PLD5: variants seen among roughly 807,000 people sequenced by gnomAD.
PLD5 encodes inactive phospholipase D5.
Under a neutral mutation model 61.1 loss-of-function variants are expected in PLD5, and 36 were observed. The ratio of observed to expected loss-of-function variants is 0.59; its 90% CI spans 0.45 to 0.78. The LOEUF (loss-of-function observed/expected upper bound fraction) is 0.78, where lower values mean the gene tolerates loss of function less well. PLD5 is among the 30% of genes least tolerant of loss of function. PLD5 has a pLI of 0.00. For missense variants in PLD5, 515 were observed against 644.4 expected, an observed-to-expected ratio of 0.80 and a Z score of 2.17; for synonymous variants, 243 against 242.8, an observed-to-expected ratio of 1.00 and a Z score of -0.01.
chr1:242,329,530 C>T (rs1212934332), intron 2 of PLD5, among the ~76,000 whole-genome samples: 6 of 152,244 alleles, frequency 3.9e-5, no homozygotes, highest in South Asian at 2.1e-4. Flanking sequence ...CGGGACACTA[C>T]CATATTCAAA....
At chr1:242,368,381 G>A (rs183535277) in intron 1 of PLD5, among the ~76,000 whole-genome samples, 42 of 152,248 alleles carry the variant, frequency 2.8e-4, no homozygotes. Flanking sequence ...CATAGCCATG[G>A]AGATCAAAGA....
At chr1:242,288,238 T>C (rs577135583) in intron 3 of PLD5, 124 bp downstream of exon 3, 6 of 1,352,376 alleles carry the variant, frequency 4.4e-6, no homozygotes, top group East Asian at 4.8e-5. Context: ...ATAATGTACA[T>C]GTACTCTGGG....
At chr1:242,374,391 A>G (rs2149249414) in intron 1 of PLD5, among the ~76,000 whole-genome samples, 1 of 152,256 alleles carries the variant, frequency 6.6e-6, no homozygotes, top group Non-Finnish European at 1.5e-5. Flanking sequence ...TTCATCACCA[A>G]GGTTTTCTTG....
At position 242,372,799 on chromosome 1, in the gene PLD5, G is replaced by A. The variant is rs1423770083; in HGVS notation, c.190-24557C>T. Among the ~76,000 whole-genome samples, 3 of 151,440 alleles carry A rather than the reference G, an allele frequency of 2.0e-5. No homozygotes were observed. In the East Asian group the frequency reaches 5.8e-4, roughly 29 times the overall value. On this transcript the variant is annotated intron_variant, in intron 1 of 9. Coordinates refer to ENST00000536534, the MANE Select transcript of PLD5 (RefSeq NM_001372062.1). ...CCTTATACAAAAATTAATTCAAGAT[G>A]GATTAAAGACTTAAATGTCAGACCT...
chr1:242,521,938 C>T (rs112717528), intron 1 of PLD5, among the ~76,000 whole-genome samples: 1,542 of 151,570 alleles, frequency 0.01, 24 homozygotes, highest in African/African-American at 0.035. Context: ...TTCAACATGA[C>T]GTATATTATA....
intron 1 of PLD5, among the ~76,000 whole-genome samples, chr1:242,484,140 AT>A (rs1248501099): frequency 6.6e-6 from 1 of 152,178 alleles, no homozygotes; most frequent in African/African-American, 2.4e-5. Flanking sequence ...TAACATCACA[AT>A]TAAAAGAACT....
intron 1 of PLD5, chr1:242,365,692 G>A: frequency 5.0e-6 from 1 of 201,692 alleles, no homozygotes; most frequent in Non-Finnish European, 9.9e-6. Context: ...CCATGTAAAT[G>A]TTACAGACAA....
At chr1:242,193,376 G>A (rs373973359) in intron 5 of PLD5, among the ~76,000 whole-genome samples, 1 of 152,158 alleles carries the variant, frequency 6.6e-6, no homozygotes, top group African/African-American at 2.4e-5. Context: ...TTCTTTGGCC[G>A]GGTTCTTGGA....
chr1:242,509,503 C>T lies in PLD5; in HGVS notation c.189+14585G>A, dbSNP rs149366860. Among the ~76,000 whole-genome samples the T allele has an allele frequency of 2.5e-4, 38 of 152,326 alleles. 1 individual carries two copies. The highest frequency in any genetic ancestry group is 8.7e-4 in the African/African-American group (36 of 41,588). The stretch of plus-strand genomic sequence containing the variant: ...TATCAGCGGGGATATTCCATCTGTT[C>T]CATGCGGCCCCTGCCTTTCTTTCTT... On this transcript the variant is annotated intron_variant, in intron 1 of 9. Transcript: ENST00000536534.
At chr1:242,177,744 T>C (rs1475187290) in intron 5 of PLD5, 1 of 152,158 alleles carries the variant, frequency 6.6e-6, no homozygotes, top group African/African-American at 2.4e-5. Flanking sequence ...CAGGGCCCCC[T>C]CTGCTGGGAT....
At chr1:242,387,686 T>G (rs1662677832) in intron 1 of PLD5, among the ~76,000 whole-genome samples, 1 of 144,152 alleles carries the variant, frequency 6.9e-6, no homozygotes, top group Non-Finnish European at 1.5e-5. Flanking sequence ...ATATAAAATT[T>G]TATCTATTTT....
intron 4 of PLD5, 64 bp downstream of exon 4, chr1:242,265,273 G>C: frequency 6.5e-7 from 1 of 1,533,052 alleles, no homozygotes; most frequent in Non-Finnish European, 8.7e-7. Flanking sequence ...ATTATTTTAA[G>C]TGAAATTAAA....
intron 1 of PLD5, among the ~76,000 whole-genome samples, chr1:242,387,159 G>T (rs998938313): frequency 1.3e-5 from 2 of 152,152 alleles, no homozygotes; most frequent in Admixed American, 6.5e-5. Flanking sequence ...ATGGATAAAA[G>T]AACTTAATTT....
At chr1:242,383,234 GAC>G (rs1459688575) in intron 1 of PLD5, among the ~76,000 whole-genome samples, 2 of 151,686 alleles carry the variant, frequency 1.3e-5, no homozygotes, top group African/African-American at 4.8e-5. Flanking sequence ...ATTTTTAACT[GAC>G]ACAATCAATG....
chr1:242,139,340 A>G (rs1017482320), intron 5 of PLD5, among the ~76,000 whole-genome samples: 1 of 152,038 alleles, frequency 6.6e-6, no homozygotes, highest in African/African-American at 2.4e-5. Flanking sequence ...TATTGTTCCA[A>G]TTCAGAAAAT....
At chr1:242,346,815 C>T (rs1660162798) in intron 2 of PLD5, among the ~76,000 whole-genome samples, 2 of 152,154 alleles carry the variant, frequency 1.3e-5, no homozygotes, top group Admixed American at 6.5e-5. Context: ...CCACCCCTGA[C>T]TCTCCAACAG....
Position 242,113,901 on chromosome 1 carries a change from TG to T in PLD5, c.1058del (p.Thr353LysfsTer15), listed in dbSNP as rs772595976. ...AVMDYLPISS[T>X]STKRTYWPDL... ...GGGCATTCACTGACCTTTTGGTGCT[TG>T]TGCTGGAGATAGGCAGGTAGTCCAT... On this transcript the variant is annotated frameshift_variant, in exon 7 of 10. Coordinates refer to ENST00000536534, the MANE Select transcript of PLD5 (RefSeq NM_001372062.1). LOFTEE classifies it high-confidence loss of function. 1.2e-6 allele frequency: 2 copies of T among 1,613,116 alleles called. No homozygotes were observed. Among genetic ancestry groups the T allele is most frequent in the Admixed American group, 3.3e-5 (2 of 59,762 alleles).
intron 3 of PLD5, among the ~76,000 whole-genome samples, chr1:242,287,511 C>T (rs1354137318): frequency 6.6e-6 from 1 of 151,992 alleles, no homozygotes; most frequent in African/African-American, 2.4e-5. Flanking sequence ...TAACTTTTGA[C>T]TTTAAAATAG....
At chr1:242,367,740 A>G (rs558842641) in intron 1 of PLD5, among the ~76,000 whole-genome samples, 16 of 152,300 alleles carry the variant, frequency 1.1e-4, no homozygotes, top group African/African-American at 3.6e-4. Flanking sequence ...ACCCAGCAGT[A>G]AAAACAAACT....
Sources: allele counts gnomAD v4.1 joint callset (sites outside exome capture counted in the v4.1 genomes callset), GRCh38; gene constraint gnomAD v4.1.1; transcripts MANE v1.5; gene names NCBI Gene and HGNC (gene_info 2026-07-23, HGNC 2026-07-21).